Variants in NLGN1 observed in about 807,000 individuals in gnomAD.
NLGN1 encodes the protein neuroligin 1.
In NLGN1, 12 loss-of-function variants were observed where a neutral mutation model predicts 65.5. The observed-to-expected ratio is 0.18, with a 90% CI of 0.12 to 0.30. NLGN1 has a LOEUF of 0.30. NLGN1 is among the 10% of genes least tolerant of loss of function. The pLI is 1.00. For missense variants in NLGN1, 750 were observed against 1,007.1 expected (o/e 0.74, Z 3.46); for synonymous variants, 350 against 359.5 (o/e 0.97, Z 0.30).
chr3:174,049,711 C>T (rs1734391746), intron 4 of NLGN1, among the ~76,000 whole-genome samples: 1 of 152,036 alleles, frequency 6.6e-6, no homozygotes, highest in South Asian at 2.1e-4. Flanking sequence ...ATCTAAAGTG[C>T]TTTAATTCTT....
At chr3:174,188,040 T>C (rs537499517) in intron 4 of NLGN1, among the ~76,000 whole-genome samples, 1 of 152,152 alleles carries the variant, frequency 6.6e-6, no homozygotes, top group South Asian at 2.1e-4. Flanking sequence ...ATTAAGACTT[T>C]TATAATAATT....
At chr3:174,266,518 T>C (rs1420821475) in intron 4 of NLGN1, among the ~76,000 whole-genome samples, 1 of 152,208 alleles carries the variant, frequency 6.6e-6, no homozygotes, top group Admixed American at 6.6e-5. Context: ...GCAATGAACA[T>C]ACATGTGTAT....
chr3:174,204,098 G>C (rs1169320928), intron 4 of NLGN1, among the ~76,000 whole-genome samples: 5 of 152,122 alleles, frequency 3.3e-5, no homozygotes, highest in Admixed American at 2.6e-4. Flanking sequence ...AATTAAATCA[G>C]ATGGTGATTT....
chr3:173,817,286 T>C (rs1329014017), intron 4 of NLGN1, among the ~76,000 whole-genome samples: 4 of 152,228 alleles, frequency 2.6e-5, no homozygotes, highest in Admixed American at 1.3e-4. Context: ...TTAGGATTTC[T>C]ATGAACAATC....
chr3:173,675,167 A>C (rs181933479), intron 3 of NLGN1, among the ~76,000 whole-genome samples: 17 of 152,254 alleles, frequency 1.1e-4, no homozygotes, highest in African/African-American at 3.8e-4. Context: ...AGCAGAAAGG[A>C]AAAAAATCTT....
chr3:173,864,131 T>G (rs182240894), intron 4 of NLGN1, among the ~76,000 whole-genome samples: 3 of 152,324 alleles, frequency 2.0e-5, no homozygotes, highest in Admixed American at 1.3e-4. Flanking sequence ...CTTGTTTAAA[T>G]GCAAGAATTT....
exon 7 of NLGN1, chr3:174,286,622 A>G (rs905054024): frequency 6.6e-6 from 1 of 151,640 alleles, no homozygotes; most frequent in African/African-American, 2.4e-5. Context: ...ATTATCATGA[A>G]TAAATATTAC....
At chr3:174,138,430 A>C (rs1002028425) in intron 4 of NLGN1, among the ~76,000 whole-genome samples, 1 of 137,832 alleles carries the variant, frequency 7.3e-6, no homozygotes, top group Non-Finnish European at 1.5e-5. Flanking sequence ...GCTTTCTACT[A>C]TTCTTTTTTT....
intron 2 of NLGN1, among the ~76,000 whole-genome samples, chr3:173,456,733 A>C (rs1224841161): frequency 6.6e-6 from 1 of 152,170 alleles, no homozygotes; most frequent in Non-Finnish European, 1.5e-5. Flanking sequence ...ACCCGTAAGC[A>C]TGAAGAGACA....
At chr3:173,568,500 G>T (rs1197184128) in intron 2 of NLGN1, among the ~76,000 whole-genome samples, 2 of 152,150 alleles carry the variant, frequency 1.3e-5, no homozygotes, top group Non-Finnish European at 2.9e-5. Flanking sequence ...CTCCCAAATT[G>T]TTGGGATTAC....
rs934914434 is a variant in NLGN1 at position 173,490,029 on chromosome 3, G to A, written c.-321+54951G>A. Among the ~76,000 whole-genome samples, 12 of 152,124 alleles carry A rather than the reference G, an allele frequency of 7.9e-5. 1 individual carries two copies. The highest frequency in any genetic ancestry group is 1.8e-4 in the Non-Finnish European group (12 of 68,020). ...GGTTGCAAACATTTTCTCCCATTCTGTAGGTTGCCTGTTCACTCTGATGGT... is the reference window on the plus strand; with the variant it reads ...GGTTGCAAACATTTTCTCCCATTCTATAGGTTGCCTGTTCACTCTGATGGT... On this transcript the variant is annotated intron_variant, in intron 2 of 6. Coordinates refer to ENST00000457714, the Ensembl canonical transcript of NLGN1.
At chr3:173,502,013 A>G (rs774432092) in intron 2 of NLGN1, among the ~76,000 whole-genome samples, 1 of 152,100 alleles carries the variant, frequency 6.6e-6, no homozygotes, top group African/African-American at 2.4e-5. Flanking sequence ...CTGCTCACTC[A>G]TGCTTGATTT....
intron 2 of NLGN1, among the ~76,000 whole-genome samples, chr3:173,506,906 G>GA (rs773167831): frequency 6.6e-6 from 1 of 152,036 alleles, no homozygotes; most frequent in Non-Finnish European, 1.5e-5. Flanking sequence ...AGGTCAAAAT[G>GA]AAAAAGAATG....
intron 2 of NLGN1, among the ~76,000 whole-genome samples, chr3:173,599,030 A>AC (rs1196737107): frequency 6.6e-6 from 1 of 152,140 alleles, no homozygotes; most frequent in Non-Finnish European, 1.5e-5. Flanking sequence ...CCCTTCTGTG[A>AC]CCAACAGTGT....
chr3:174,269,386 A>ATGAT (rs978284582), intron 4 of NLGN1, among the ~76,000 whole-genome samples: 37 of 151,902 alleles, frequency 2.4e-4, no homozygotes, highest in Middle Eastern at 3.4e-3. Context: ...ATCTGTTTCT[A>ATGAT]TGATTGTGAC....
chr3:173,488,570 C>T (rs1165041590), intron 2 of NLGN1, among the ~76,000 whole-genome samples: 1 of 152,102 alleles, frequency 6.6e-6, no homozygotes, highest in South Asian at 2.1e-4. Context: ...AGGGTAACCA[C>T]TAGTTTTCCT....
chr3:173,652,250 G>A (rs981191940), intron 3 of NLGN1, among the ~76,000 whole-genome samples: 1 of 152,122 alleles, frequency 6.6e-6, no homozygotes, highest in African/African-American at 2.4e-5. Context: ...TTCTTTTGCT[G>A]TGCAGGAACT....
At chr3:174,257,728 T>C (rs1397458678) in intron 4 of NLGN1, among the ~76,000 whole-genome samples, 1 of 151,444 alleles carries the variant, frequency 6.6e-6, no homozygotes, top group East Asian at 1.9e-4. Flanking sequence ...GGAATATATA[T>C]ATATATATAT....
intron 4 of NLGN1, among the ~76,000 whole-genome samples, chr3:174,144,360 A>T (rs1216660517): frequency 6.6e-6 from 1 of 152,132 alleles, no homozygotes; most frequent in African/African-American, 2.4e-5. Context: ...ATTGTGAATC[A>T]TGCTGCAATA....
Sources: allele counts gnomAD v4.1 joint callset (sites outside exome capture counted in the v4.1 genomes callset), GRCh38; gene constraint gnomAD v4.1.1; transcripts MANE v1.5; gene names NCBI Gene and HGNC (gene_info 2026-07-23, HGNC 2026-07-21).